The following COL4A1 variants were observed in gnomAD, a reference collection of about 807,000 sequenced individuals.
COL4A1 encodes the protein collagen alpha-1(IV) chain.
COL4A1 carries 40 observed loss-of-function variants against 216.6 expected under a neutral mutation model. The observed-to-expected ratio is 0.18, with a 90% CI of 0.14 to 0.24. The LOEUF is 0.24. Ranked by LOEUF, COL4A1 falls within the 10% of genes least tolerant of loss-of-function variation. The probability of loss-of-function intolerance (pLI) is 1.00; values close to 1 mark genes in which losing one functional copy is unlikely to be tolerated. For missense variants in COL4A1, 1,628 were observed against 2,196.8 expected, an observed-to-expected ratio of 0.74 and a Z score of 5.18; for synonymous variants, 839 against 810.7, an observed-to-expected ratio of 1.03 and a Z score of -0.59.
chr13:110,208,773 T>C lies in COL4A1; in HGVS notation c.693+76A>G, dbSNP rs1190994785. On this transcript the variant is annotated intron_variant, in intron 12 of 51. Transcript: ENST00000375820. ...ACTATACTTGTAAGAGTCCAGACAT[T>C]GATCCAAAGGTGGGAACTGTCAGGT... is the stretch of plus-strand genomic sequence containing the variant. The C allele has an allele frequency of 7.4e-6, 10 of 1,359,552 alleles. No homozygotes were observed. The Admixed American group carries it at 1.5e-4, about 20-fold the overall frequency. 84.2% of individuals were successfully genotyped at this position (1,359,552 alleles called of 1,614,324 possible). A position where few individuals can be genotyped will look rare whatever the true frequency, so the allele number is the denominator to read the frequency against.
At chr13:110,232,310 C>A (rs1881099455) in intron 2 of COL4A1, among the ~76,000 whole-genome samples, 1 of 152,220 alleles carries the variant, frequency 6.6e-6, no homozygotes. Flanking sequence ...ACTAATTCTT[C>A]CTTTGTTTAA....
chr13:110,191,494 T>G (rs184824001), intron 24 of COL4A1: 20 of 471,572 alleles, frequency 4.2e-5, no homozygotes, highest in Non-Finnish European at 7.4e-5. Flanking sequence ...TGCAAGAAAA[T>G]AATGTCCTTC....
chr13:110,190,829 T>C (rs529275518), intron 24 of COL4A1: 1 of 152,204 alleles, frequency 6.6e-6, no homozygotes, highest in Non-Finnish European at 1.5e-5. Context: ...AGGAGTAGAA[T>C]TGGGGTTGTA....
intron 1 of COL4A1, among the ~76,000 whole-genome samples, chr13:110,255,418 G>A (rs1424353318): frequency 6.7e-6 from 1 of 150,028 alleles, no homozygotes; most frequent in Non-Finnish European, 1.5e-5. Flanking sequence ...CAAGAAGGCG[G>A]GAGAAGAGTG....
chr13:110,253,267 ATACATATAATTATATGTAT>A (rs1882279461), intron 1 of COL4A1, among the ~76,000 whole-genome samples: 1 of 131,628 alleles, frequency 7.6e-6, no homozygotes, highest in African/African-American at 2.9e-5. Context: ...TTAGGTATAT[ATACATATAATTATATGTAT>A]TACATATACA....
intron 1 of COL4A1, among the ~76,000 whole-genome samples, chr13:110,299,693 T>C (rs1037504893): frequency 6.6e-6 from 1 of 152,210 alleles, no homozygotes; most frequent in Non-Finnish European, 1.5e-5. Context: ...TGCCATCGCC[T>C]TTCCAAAAAG....
At chr13:110,273,585 G>A (rs1883324634) in intron 1 of COL4A1, among the ~76,000 whole-genome samples, 2 of 151,866 alleles carry the variant, frequency 1.3e-5, no homozygotes, top group South Asian at 4.2e-4. Context: ...CTGTCTGGTT[G>A]GAAAAAAGGG....
chr13:110,201,645 T>C (rs752497389), intron 18 of COL4A1, 123 bp from the exon 19 acceptor site: 3 of 898,306 alleles, frequency 3.3e-6, no homozygotes, highest in Admixed American at 1.7e-5. Flanking sequence ...GAAAGTGAAG[T>C]AGCAGCAATG....
At chr13:110,244,504 G>A (rs1881700721) in intron 1 of COL4A1, among the ~76,000 whole-genome samples, 1 of 152,150 alleles carries the variant, frequency 6.6e-6, no homozygotes. Context: ...AAGAGATGAG[G>A]CCAAAATCTG....
At chr13:110,208,820 G>C (rs747503337) in intron 12 of COL4A1, 29 bp downstream of exon 12, 1 of 1,613,320 alleles carries the variant, frequency 6.2e-7, no homozygotes, top group East Asian at 2.2e-5. Context: ...TTTTCAACAT[G>C]AAAGCACTCC....
At chr13:110,173,159 T>G (rs1258863560) in intron 40 of COL4A1, among the ~76,000 whole-genome samples, 1 of 152,084 alleles carries the variant, frequency 6.6e-6, no homozygotes, top group Non-Finnish European at 1.5e-5. Context: ...GCTGGGGAGA[T>G]GACAAACGTC....
At chr13:110,257,160 GATA>G (rs1178115670) in intron 1 of COL4A1, among the ~76,000 whole-genome samples, 2 of 152,246 alleles carry the variant, frequency 1.3e-5, no homozygotes, top group South Asian at 2.1e-4. Flanking sequence ...ACCTTCTAAG[GATA>G]ATATTATCTG....
At chr13:110,215,582 AC>A (rs1880033745) in intron 2 of COL4A1, among the ~76,000 whole-genome samples, 2 of 149,140 alleles carry the variant, frequency 1.3e-5, no homozygotes, top group African/African-American at 4.9e-5. Flanking sequence ...AAAAACAACA[AC>A]CCATAACCAT....
intron 2 of COL4A1, among the ~76,000 whole-genome samples, chr13:110,241,026 C>T (rs567707761): frequency 3.3e-5 from 5 of 152,178 alleles, no homozygotes; most frequent in East Asian, 1.9e-4. Context: ...TGTGCCACCA[C>T]GCTGGGCTAA....
At chr13:110,284,018 GCCTTCAGCAAAGGGT>G (rs943653741) in intron 1 of COL4A1, among the ~76,000 whole-genome samples, 6 of 152,314 alleles carry the variant, frequency 3.9e-5, no homozygotes, top group Admixed American at 1.3e-4. Flanking sequence ...CAGGCCAGGA[GCCTTCAGCAAAGGGT>G]CCTTCAGCAA....
intron 18 of COL4A1, 25 bp from the exon 19 acceptor site, chr13:110,201,547 C>T: frequency 6.3e-7 from 1 of 1,595,952 alleles, no homozygotes. Context: ...AAAAGGTGAT[C>T]ATCCCGTGGC....
At chr13:110,285,352 C>T (rs527464278) in intron 1 of COL4A1, among the ~76,000 whole-genome samples, 8 of 152,214 alleles carry the variant, frequency 5.3e-5, no homozygotes, top group Non-Finnish European at 8.8e-5. Context: ...GGACTGTCTC[C>T]GTGAATCCGT....
In COL4A1 at chr13:110,277,346, TA is replaced by T. The variant is rs778718193; in HGVS notation, c.84+29597del. ...GACATGTTCTGTCTAAGCCATTCTT[TA>T]TTTTCCCCAATTTGTCTTTGCCTGA... On this transcript the variant is annotated intron_variant, in intron 1 of 51. Transcript: ENST00000375820. 2.6e-5 allele frequency among the ~76,000 whole-genome samples: 4 copies of T among 152,206 alleles called. No individual in the cohort carries two copies. In the East Asian group the frequency reaches 7.7e-4, roughly 29 times the overall value.
intron 2 of COL4A1, among the ~76,000 whole-genome samples, 193 bp from the exon 3 acceptor site, chr13:110,214,208 A>G (rs905507184): frequency 2.0e-5 from 3 of 152,140 alleles, no homozygotes; most frequent in African/African-American, 7.2e-5. Context: ...CTCCTGCCTC[A>G]GCCTCCCGGG....
Sources: allele counts gnomAD v4.1 joint callset (sites outside exome capture counted in the v4.1 genomes callset), GRCh38; gene constraint gnomAD v4.1.1; transcripts MANE v1.5; gene names NCBI Gene and HGNC (gene_info 2026-07-23, HGNC 2026-07-21).